The following MKKS variants were observed in gnomAD, a reference collection of about 807,000 sequenced individuals.
MKKS encodes the protein MKKS centrosomal shuttling protein.
MKKS carries 29 observed loss-of-function variants against 33.2 expected under a neutral mutation model. That is an observed-to-expected ratio of 0.87 (90% CI 0.65 to 1.19). The LOEUF (loss-of-function observed/expected upper bound fraction) is 1.19, where lower values mean the gene tolerates loss of function less well. Among genes scored for constraint, MKKS ranks in the 50% most tolerant of loss-of-function variants. The pLI is 0.00. For missense variants in MKKS, 661 were observed against 662.3 expected, an observed-to-expected ratio of 1.00 and a Z score of 0.02; for synonymous variants, 260 against 244.0, an observed-to-expected ratio of 1.07 and a Z score of -0.61.
chr20:10,414,474 A>C (rs909161527), intron 2 of MKKS, among the ~76,000 whole-genome samples: 4 of 152,046 alleles, frequency 2.6e-5, no homozygotes, highest in African/African-American at 9.7e-5. Context: ...CATGTTTGCC[A>C]GGTTGGTCTC....
At chr20:10,408,873 A>C in intron 3 of MKKS, 70 bp from the exon 4 acceptor site, 2 of 1,215,144 alleles carry the variant, frequency 1.6e-6, no homozygotes, top group Non-Finnish European at 2.4e-6. Flanking sequence ...TTAAAAGTAT[A>C]TTTATTCCTA....
At position 10,408,678 on chromosome 20, in the gene MKKS, A is replaced by C. The variant is rs144892179; in HGVS notation, c.1111T>G (p.Cys371Gly). ...FHLIPNEATI[C>G]SLLLCNRNDT... The stretch of plus-strand genomic sequence containing the variant: ...TTTCTGTTGCAGAGAAGCAAGCTGC[A>C]GATTGTTGCTTCATTAGGAATAAGA... Residue 371 changes from cysteine (C) to glycine (G), a missense_variant, in exon 4 of 6, where the codon TGC (cysteine) becomes GGC (glycine). By Grantham distance (159) the Cys-to-Gly change is radical. Transcript: ENST00000347364. 1.1e-5 allele frequency: 18 copies of C among 1,614,146 alleles called. No homozygotes were observed. The highest frequency in any genetic ancestry group is 1.7e-6 in the Non-Finnish European group (2 of 1,180,010).
At chr20:10,410,179 T>A (rs1464257957) in intron 3 of MKKS, among the ~76,000 whole-genome samples, 1 of 152,140 alleles carries the variant, frequency 6.6e-6, no homozygotes, top group African/African-American at 2.4e-5. Flanking sequence ...TTTCACATGG[T>A]GGGAACAACA....
rs751858146 is a variant in MKKS, at chr20:10,413,256, T to C, written c.259A>G (p.Ser87Gly). 11 of 1,614,230 alleles carry C rather than the reference T, an allele frequency of 6.8e-6. No homozygotes were observed. The highest frequency in any genetic ancestry group is 1.3e-5 in the African/African-American group (1 of 75,060). Residue 87 changes from serine to glycine, a missense_variant, in exon 3 of 6, where the codon AGC becomes GGC. Physicochemically the swap from Ser to Gly is moderately conservative, Grantham distance 56. Transcript: ENST00000347364. ...GTGAATAAGCCACAATCACTGAAGC[T>C]TGACACATGATTCTGTATGGAGGCT... ...LTASIQNHVS[S>G]FSDCGLFTAI...
intron 2 of MKKS, among the ~76,000 whole-genome samples, chr20:10,420,275 T>C (rs887799597): frequency 2.0e-5 from 3 of 152,190 alleles, no homozygotes; most frequent in Non-Finnish European, 4.4e-5. Context: ...CACACATTCA[T>C]GATCCTGGTG....
intron 2 of MKKS, among the ~76,000 whole-genome samples, chr20:10,417,916 T>C (rs1057244215): frequency 1.3e-5 from 2 of 152,164 alleles, no homozygotes; most frequent in African/African-American, 4.8e-5. Flanking sequence ...ATGTGGGAAA[T>C]TTTTTAAAAG....
intron 1 of MKKS, among the ~76,000 whole-genome samples, chr20:10,426,322 G>A (rs1313113754): frequency 6.6e-6 from 1 of 152,184 alleles, no homozygotes; most frequent in South Asian, 2.1e-4. Flanking sequence ...GTGTGATCAC[G>A]GATGAGGGGA....
intron 2 of MKKS, among the ~76,000 whole-genome samples, chr20:10,419,513 A>G (rs1364262523): frequency 1.3e-5 from 2 of 152,216 alleles, no homozygotes; most frequent in African/African-American, 4.8e-5. Flanking sequence ...GATATGTTCC[A>G]AGACCACCCA....
At position 10,410,993 on chromosome 20, in the gene MKKS, G is replaced by GTT. The variant is rs531825364; in HGVS notation, c.985+1536_985+1537insAA. The stretch of plus-strand genomic sequence containing the variant: ...ATATGGTTTCTACGGGAAAATGTTT[G>GTT]GTTTTTTTTTTTTTGATAGGGAATC... On this transcript the variant is annotated intron_variant, in intron 3 of 5. Transcript: ENST00000347364. Among the ~76,000 whole-genome samples the GTT allele has an allele frequency of 9.9e-4, 148 of 148,798 alleles. 4 individuals are homozygous for GTT. In the South Asian group the frequency reaches 0.028, roughly 29 times the overall value.
chr20:10,421,993 C>T (rs1265491100), intron 1 of MKKS, among the ~76,000 whole-genome samples: 1 of 152,034 alleles, frequency 6.6e-6, no homozygotes, highest in Admixed American at 6.6e-5. Context: ...TCCTAAATTA[C>T]TTTATTTTTG....
chr20:10,408,575 T>A (rs1377266412), intron 4 of MKKS, 53 bp downstream of exon 4: 2 of 1,558,314 alleles, frequency 1.3e-6, no homozygotes, highest in Non-Finnish European at 1.8e-6. Context: ...AACTATTGAG[T>A]GACTAATTCC....
chr20:10,407,550 CT>C, intron 5 of MKKS, 65 bp downstream of exon 5: 1 of 1,380,494 alleles, frequency 7.2e-7, no homozygotes, highest in East Asian at 2.4e-5. Context: ...ATGATTTTGG[CT>C]TATTATCTCA....
At chr20:10,431,945 G>A (rs1433485871) in intron 1 of MKKS, 1 of 120,878 alleles carries the variant, frequency 8.3e-6, no homozygotes. Flanking sequence ...TTATTCTCTA[G>A]CACGTGATTC....
intron 2 of MKKS, among the ~76,000 whole-genome samples, chr20:10,417,263 A>T (rs2064945745): frequency 6.6e-6 from 1 of 151,820 alleles, no homozygotes; most frequent in Admixed American, 6.6e-5. Flanking sequence ...AAAAAAAAAA[A>T]AATCAAAGGG....
chr20:10,413,449 G>A lies in MKKS; in HGVS notation c.66C>T (p.Val22=). ...TTTTCAAGACAGAAAGTGTGGTCCT[G>A]ACTCTCTCAGTTGTCAGTGGTTCAC... ...CKSEPLTTER[V]RTTLSVLKRI... The change falls in exon 3 of 6, where the codon GTC becomes GTT. Residue 22 remains valine, a synonymous_variant. Transcript: ENST00000347364. The A allele has an allele frequency of 6.2e-7, 1 of 1,613,994 alleles. No individual in the cohort carries two copies. The highest frequency in any genetic ancestry group is 1.7e-4 in the Middle Eastern group (1 of 6,060).
At chr20:10,416,798 C>T (rs1340412914) in intron 2 of MKKS, among the ~76,000 whole-genome samples, 2 of 152,050 alleles carry the variant, frequency 1.3e-5, no homozygotes, top group African/African-American at 4.8e-5. Context: ...TAAATTAAGC[C>T]TATGGACCAT....
intron 1 of MKKS, among the ~76,000 whole-genome samples, chr20:10,429,756 C>T (rs1360861247): frequency 6.6e-6 from 1 of 152,164 alleles, no homozygotes; most frequent in African/African-American, 2.4e-5. Flanking sequence ...TCCAGACCCT[C>T]GCGCCCTCAC....
rs776936558 is a variant in MKKS at position 10,413,213 on chromosome 20, T to G, written c.302A>C (p.Asn101Thr). 2 of 1,614,192 alleles carry G rather than the reference T, an allele frequency of 1.2e-6. No homozygotes were observed. The highest frequency in any genetic ancestry group is 1.3e-5 in the African/African-American group (1 of 75,068). ...TAATCTCTGAACATTTTCAATCAGG[T>G]TGCAGCAAAGAATAGCTGTGAATAA... Reference protein sequence around the residue: ...CGLFTAILCCNLIENVQRLGL... With the variant: ...CGLFTAILCCTLIENVQRLGL... The change falls in exon 3 of 6, where the codon AAC becomes ACC. Residue 101 changes from asparagine (N) to threonine (T), a missense_variant. Coordinates refer to ENST00000347364, the MANE Select transcript of MKKS (RefSeq NM_170784.3).
At chr20:10,426,166 T>C (rs73260071) in intron 1 of MKKS, among the ~76,000 whole-genome samples, 1,639 of 152,336 alleles carry the variant, frequency 0.011, 28 homozygotes, top group African/African-American at 0.038. Context: ...CATTAAATGA[T>C]TGATTCTAAG....
Sources: gnomAD v4.1 joint callset for allele counts (sites outside exome capture counted in the v4.1 genomes callset) on GRCh38, gnomAD v4.1.1 for gene constraint, MANE v1.5 for transcripts, NCBI Gene and HGNC (gene_info 2026-07-23, HGNC 2026-07-21) for gene names.